Variants in PASD1 observed in about 807,000 individuals in gnomAD.
PASD1 encodes PAS domain containing repressor 1.
Under a neutral mutation model 58.8 loss-of-function variants are expected in PASD1, and 13 were observed. The observed-to-expected ratio is 0.22, with a 90% CI of 0.14 to 0.35. The LOEUF (loss-of-function observed/expected upper bound fraction) is 0.35, where lower values mean the gene tolerates loss of function less well. Ranked by LOEUF, PASD1 falls within the 10% of genes least tolerant of loss-of-function variation. PASD1 has a pLI of 1.00. For synonymous variants in PASD1, 236 were observed against 216.7 expected (o/e 1.09, Z -0.78); for missense variants, 734 against 568.3 (o/e 1.29, Z -2.96).
chrX:151,650,398 AAC>A (rs34925667), intron 9 of PASD1, among the ~76,000 whole-genome samples: 25,877 of 109,938 alleles, frequency 0.24, 2,568 homozygotes, highest in Non-Finnish European at 0.31. Flanking sequence ...AAAAAAAAGA[AAC>A]ACATAATCCC....
chrX:151,564,562 A>T (rs1326609832), intron 1 of PASD1, among the ~76,000 whole-genome samples: 1 of 110,838 alleles, frequency 9.0e-6, no homozygotes, highest in Non-Finnish European at 1.9e-5. Context: ...AAATGGAGTC[A>T]GATTAGCGTG....
intron 6 of PASD1, 45 bp from the exon 7 acceptor site, chrX:151,622,892 A>C: frequency 8.6e-7 from 1 of 1,164,965 alleles, no homozygotes; most frequent in Non-Finnish European, 1.2e-6. Flanking sequence ...TTCTTGTTTA[A>C]CTGGTCCACC....
intron 6 of PASD1, among the ~76,000 whole-genome samples, chrX:151,622,437 A>G (rs1488894699): frequency 4.5e-5 from 5 of 111,312 alleles, no homozygotes; most frequent in Non-Finnish European, 9.4e-5. Flanking sequence ...AGTTTGAATA[A>G]TACCAAATAT....
At position 151,674,055 on chromosome X, in the gene PASD1, A is replaced by T; in HGVS notation, c.2044A>T (p.Thr682Ser). ...FPITSDSTIS[T>S]LETPQDYIRL... ...CATAACTTCAGACTCAACCATAAGC[A>T]CCCTGGAGACCCCACAGGATTACAT... The change falls in exon 15 of 16, where the codon ACC becomes TCC. Residue 682 changes from threonine to serine, a missense_variant. Thr to Ser is a moderately conservative substitution (Grantham distance 58). Transcript: ENST00000370357. The T allele has an allele frequency of 8.3e-7, 1 of 1,211,203 alleles. No individual in the cohort carries two copies. The highest frequency in any genetic ancestry group is 1.1e-6 in the Non-Finnish European group (1 of 895,206).
chrX:151,614,803 G>A (rs1370928021), intron 4 of PASD1, among the ~76,000 whole-genome samples: 1 of 111,639 alleles, frequency 9.0e-6, no homozygotes, highest in Non-Finnish European at 1.9e-5. Context: ...GGCATGTTCC[G>A]TGGCCTTCTT....
intron 9 of PASD1, among the ~76,000 whole-genome samples, chrX:151,655,980 G>T (rs1410998408): frequency 1.8e-5 from 2 of 111,791 alleles, no homozygotes; most frequent in Non-Finnish European, 3.8e-5. Context: ...GGGTTTTTAT[G>T]GTTTTAGGTC....
At chrX:151,673,819 T>C (rs780091427) in intron 14 of PASD1, 109 bp from the exon 15 acceptor site, 2 of 930,831 alleles carry the variant, frequency 2.1e-6, no homozygotes, top group Non-Finnish European at 3.0e-6. Context: ...TCCTGTGGTG[T>C]AGCCACCAAA....
intron 15 of PASD1, 47 bp from the exon 16 acceptor site, chrX:151,675,950 C>T (rs751666643): frequency 9.2e-6 from 11 of 1,193,983 alleles, no homozygotes; most frequent in Non-Finnish European, 1.2e-5. Flanking sequence ...AAAATGGGCC[C>T]ACAGACTCTA....
At chrX:151,671,379 TG>T (rs1407288435) in intron 12 of PASD1, among the ~76,000 whole-genome samples, 183 bp downstream of exon 12, 1 of 112,275 alleles carries the variant, frequency 8.9e-6, no homozygotes, top group African/African-American at 3.2e-5. Flanking sequence ...CTTAGAGTTT[TG>T]CCCTTTTTCT....
chrX:151,622,530 G>C (rs1476942448), intron 6 of PASD1, among the ~76,000 whole-genome samples: 1 of 107,201 alleles, frequency 9.3e-6, no homozygotes, highest in Non-Finnish European at 1.9e-5. Context: ...CATGATTCTT[G>C]GAAATTAAAA....
intron 1 of PASD1, among the ~76,000 whole-genome samples, chrX:151,586,555 T>G (rs1448606226): frequency 9.0e-6 from 1 of 111,602 alleles, no homozygotes; most frequent in Non-Finnish European, 1.9e-5. Flanking sequence ...AAATGGTGAC[T>G]GGTGAAATAC....
intron 15 of PASD1, 124 bp downstream of exon 15, chrX:151,674,310 A>C: frequency 1.1e-6 from 1 of 893,873 alleles, no homozygotes; most frequent in Non-Finnish European, 1.6e-6. Context: ...AGCTCAGTAC[A>C]TTTGACGGCA....
In PASD1 at chrX:151,664,429, A is replaced by G. The variant is rs767721751; in HGVS notation, c.1071+81A>G. ...CAAAGCCCAAATTTTCACTCTTGTG[A>G]CCAGTTTCACTTCACAGAAAGTATG... is the stretch of plus-strand genomic sequence containing the variant. On this transcript the variant is annotated intron_variant, in intron 11 of 15. Coordinates refer to ENST00000370357, the MANE Select transcript of PASD1 (RefSeq NM_173493.3). The G allele has an allele frequency of 9.3e-5, 107 of 1,147,712 alleles. No individual in the cohort carries two copies. The Middle Eastern group carries it at 1.1e-3, about 12-fold the overall frequency. 94.6% of individuals were successfully genotyped at this position (1,147,712 alleles called of 1,213,427 possible). A position where few individuals can be genotyped will look rare whatever the true frequency, so the allele number is the denominator to read the frequency against.
intron 12 of PASD1, 97 bp downstream of exon 12, chrX:151,671,293 T>G: frequency 1.0e-6 from 1 of 979,130 alleles, no homozygotes; most frequent in Non-Finnish European, 1.4e-6. Context: ...AAGGAGTTAG[T>G]CAATGGTGTC....
chrX:151,571,542 A>T (rs1257234257), intron 1 of PASD1, among the ~76,000 whole-genome samples: 1 of 111,771 alleles, frequency 8.9e-6, no homozygotes, highest in Non-Finnish European at 1.9e-5. Context: ...TTCTCTGTGA[A>T]CATGTCTTAT....
chrX:151,624,621 G>C (rs981761236), intron 7 of PASD1, among the ~76,000 whole-genome samples: 20 of 111,326 alleles, frequency 1.8e-4, no homozygotes, highest in African/African-American at 5.2e-4. Context: ...CAGTAAATGT[G>C]AGCTATTACA....
chrX:151,569,006 G>T (rs956776657), intron 1 of PASD1, among the ~76,000 whole-genome samples: 1 of 111,332 alleles, frequency 9.0e-6, no homozygotes, highest in Non-Finnish European at 1.9e-5. Flanking sequence ...TAGATCCCAA[G>T]AATTCTGACC....
At chrX:151,653,701 CCTT>C (rs1223585338) in intron 9 of PASD1, among the ~76,000 whole-genome samples, 2 of 102,526 alleles carry the variant, frequency 2.0e-5, no homozygotes, top group East Asian at 3.1e-4. Context: ...CCCTCCTCCT[CCTT>C]CTTCTTCTTC....
chrX:151,659,270 C>A (rs1404606399), intron 9 of PASD1, among the ~76,000 whole-genome samples: 1 of 111,984 alleles, frequency 8.9e-6, no homozygotes, highest in East Asian at 2.8e-4. Context: ...AGTGGTGGTG[C>A]AGGTCTCCCA....
Sources: gnomAD v4.1 joint callset for allele counts (sites outside exome capture counted in the v4.1 genomes callset) on GRCh38, gnomAD v4.1.1 for gene constraint, MANE v1.5 for transcripts, NCBI Gene and HGNC (gene_info 2026-07-23, HGNC 2026-07-21) for gene names.